Variants in NOL4 observed in about 807,000 individuals in gnomAD.
NOL4 encodes the protein nucleolar protein 4, also known as cancer/testis antigen 125.
A neutral mutation model predicts 75.9 loss-of-function variants in NOL4; 17 were observed. That is an observed-to-expected ratio of 0.22 (90% CI 0.15 to 0.34). NOL4 has a LOEUF of 0.34. NOL4 is among the 10% of genes least tolerant of loss of function. The probability of loss-of-function intolerance (pLI) is 1.00; values close to 1 mark genes in which losing one functional copy is unlikely to be tolerated. For missense variants in NOL4, 614 were observed against 793.5 expected (o/e 0.77, Z 2.72); for synonymous variants, 292 against 289.9 (o/e 1.01, Z -0.07).
chr18:33,877,223 T>G (rs1177461675), intron 10 of NOL4, among the ~76,000 whole-genome samples: 1 of 151,930 alleles, frequency 6.6e-6, no homozygotes, highest in Non-Finnish European at 1.5e-5. Context: ...CATCTCATCA[T>G]ATAAGAACCA....
At chr18:34,113,136 TTTTTG>T (rs150317037) in intron 2 of NOL4, among the ~76,000 whole-genome samples, 1 of 151,834 alleles carries the variant, frequency 6.6e-6, no homozygotes, top group Admixed American at 6.6e-5. Flanking sequence ...AGCCCAACTT[TTTTTG>T]TTTTGTTTTG....
At chr18:33,987,145 A>C (rs1000613337) in intron 6 of NOL4, among the ~76,000 whole-genome samples, 9 of 152,110 alleles carry the variant, frequency 5.9e-5, no homozygotes, top group African/African-American at 2.2e-4. Context: ...GTTAAAACTC[A>C]TAGTACTTTA....
chr18:34,085,986 C>T (rs2078222442), intron 5 of NOL4, among the ~76,000 whole-genome samples: 1 of 151,956 alleles, frequency 6.6e-6, no homozygotes, highest in Non-Finnish European at 1.5e-5. Flanking sequence ...CTTTATATTA[C>T]TTATAAAGGT....
intron 1 of NOL4, among the ~76,000 whole-genome samples, chr18:34,173,401 A>G (rs2033234225): frequency 6.6e-6 from 1 of 152,158 alleles, no homozygotes; most frequent in South Asian, 2.1e-4. Flanking sequence ...TACCATATGC[A>G]CACATACATA....
chr18:33,958,479 G>C, intron 6 of NOL4, 61 bp from the exon 7 acceptor site: 1 of 1,400,912 alleles, frequency 7.1e-7, no homozygotes, highest in Non-Finnish European at 9.6e-7. Flanking sequence ...TAAGTTTTAT[G>C]TTTCATCTTT....
intron 2 of NOL4, among the ~76,000 whole-genome samples, chr18:34,114,147 G>C (rs2079738745): frequency 6.6e-6 from 1 of 152,002 alleles, no homozygotes; most frequent in South Asian, 2.1e-4. Flanking sequence ...TAAATGTCTT[G>C]GACCCAGTTT....
At chr18:33,984,813 A>T (rs1461891308) in intron 6 of NOL4, among the ~76,000 whole-genome samples, 1 of 152,146 alleles carries the variant, frequency 6.6e-6, no homozygotes, top group Non-Finnish European at 1.5e-5. Context: ...TTATCATTTG[A>T]AGTAAAACAA....
intron 1 of NOL4, among the ~76,000 whole-genome samples, chr18:34,160,143 A>G (rs888230912): frequency 6.6e-6 from 1 of 152,192 alleles, no homozygotes; most frequent in Non-Finnish European, 1.5e-5. Flanking sequence ...GCTTTCCAAT[A>G]TATCAAAAGG....
intron 5 of NOL4, among the ~76,000 whole-genome samples, chr18:34,027,697 T>C (rs1183483649): frequency 6.6e-6 from 1 of 152,188 alleles, no homozygotes; most frequent in African/African-American, 2.4e-5. Context: ...TGGTCATAGG[T>C]AGTGAGGACC....
chr18:33,862,940 T>C (rs1221617187), intron 10 of NOL4, among the ~76,000 whole-genome samples: 6 of 152,302 alleles, frequency 3.9e-5, no homozygotes, highest in Non-Finnish European at 8.8e-5. Context: ...CAAAGGACGA[T>C]AAATCATGCT....
intron 1 of NOL4, chr18:34,222,214 T>G: frequency 7.0e-7 from 1 of 1,431,502 alleles, no homozygotes. Flanking sequence ...TTTGTGGCCA[T>G]GAGACTAGAG....
chr18:33,914,484 A>T (rs1342221630), intron 9 of NOL4, among the ~76,000 whole-genome samples: 1 of 152,136 alleles, frequency 6.6e-6, no homozygotes. Context: ...TAATAATGAC[A>T]TAAACTGAAA....
At chr18:33,951,428 A>G (rs2069211165) in intron 8 of NOL4, among the ~76,000 whole-genome samples, 1 of 152,034 alleles carries the variant, frequency 6.6e-6, no homozygotes. Context: ...CTGTGGTTTT[A>G]CTATAATATC....
intron 9 of NOL4, among the ~76,000 whole-genome samples, chr18:33,898,762 T>G (rs1256500393): frequency 6.6e-6 from 1 of 152,206 alleles, no homozygotes; most frequent in Non-Finnish European, 1.5e-5. Context: ...CTTATGTTGA[T>G]TGATCTTTAA....
chr18:34,164,726 C>T (rs1423710711), intron 1 of NOL4, among the ~76,000 whole-genome samples: 2 of 151,980 alleles, frequency 1.3e-5, no homozygotes, highest in African/African-American at 4.8e-5. Context: ...TTTGACCCAG[C>T]CATCCCATTA....
chr18:34,195,960 C>T (rs1373666420), intron 1 of NOL4, among the ~76,000 whole-genome samples: 1 of 152,158 alleles, frequency 6.6e-6, no homozygotes, highest in Non-Finnish European at 1.5e-5. Context: ...AACTTTCTTA[C>T]TTTAACAATT....
chr18:33,892,134 A>G (rs1433652557), intron 9 of NOL4, among the ~76,000 whole-genome samples: 1 of 152,154 alleles, frequency 6.6e-6, no homozygotes, highest in African/African-American at 2.4e-5. Context: ...AAATTTTAAC[A>G]ATCATTAGTT....
At chr18:34,141,852 G>A (rs1240752150) in intron 1 of NOL4, among the ~76,000 whole-genome samples, 3 of 152,082 alleles carry the variant, frequency 2.0e-5, no homozygotes, top group African/African-American at 7.2e-5. Context: ...TTAAACTAAA[G>A]AGCTTCTGCA....
At chr18:33,962,367 C>A (rs1006476340) in intron 6 of NOL4, among the ~76,000 whole-genome samples, 1 of 152,142 alleles carries the variant, frequency 6.6e-6, no homozygotes, top group African/African-American at 2.4e-5. Context: ...ATATAGATGG[C>A]CCCAGCCAAA....
Sources: gnomAD v4.1 joint callset for allele counts (sites outside exome capture counted in the v4.1 genomes callset) on GRCh38, gnomAD v4.1.1 for gene constraint, MANE v1.5 for transcripts, NCBI Gene and HGNC (gene_info 2026-07-23, HGNC 2026-07-21) for gene names.